The following STYK1 variants were observed in gnomAD, a reference collection of about 807,000 sequenced individuals.
STYK1 encodes STY kinase 1, also known as tyrosine-protein kinase STYK1.
In STYK1, 46 loss-of-function variants were observed where a neutral mutation model predicts 48.1. That is an observed-to-expected ratio of 0.96 (90% CI 0.75 to 1.22). STYK1 has a LOEUF of 1.22. Among genes scored for constraint, STYK1 ranks in the 50% most tolerant of loss-of-function variants. The pLI is 0.00. For missense variants in STYK1, 527 were observed against 521.1 expected (o/e 1.01, Z -0.11); for synonymous variants, 188 against 189.0 (o/e 0.99, Z 0.04).
Position 10,634,629 on chromosome 12 carries a change from C to T in STYK1, c.-11G>A, listed in dbSNP as rs143693474. On this transcript the variant is annotated 5_prime_UTR_variant, in exon 3 of 11. Coordinates refer to ENST00000075503, the MANE Select transcript of STYK1 (RefSeq NM_018423.3). ...CCGTGTCATGCCCATTGCCACAGGG[C>T]TGTCCCCTTCCCTGCTAGGCCCACA... 1.7e-5 allele frequency: 27 copies of T among 1,614,096 alleles called. No individual in the cohort carries two copies. In the East Asian group the frequency reaches 2.9e-4, roughly 17 times the overall value.
rs985328046 is a variant in STYK1 at position 10,663,742 on chromosome 12, A to G, written c.-195+10224T>C. ...TTTAGAATCACTTTGACCATTTCGG[A>G]AAAAAAAAAAGGCTGGAATTTTGAT... On this transcript the variant is annotated intron_variant, in intron 1 of 10. Transcript: ENST00000075503. Among the ~76,000 whole-genome samples, 43 of 30,652 alleles carry G rather than the reference A, an allele frequency of 1.4e-3. 1 individual carries two copies. The highest frequency in any genetic ancestry group is 3.1e-3 in the African/African-American group (41 of 13,304). The allele number at this position is 30,652 out of a possible 152,430, so 20.1% of individuals were successfully genotyped here.
chr12:10,663,792 C>T (rs912948177), intron 1 of STYK1, among the ~76,000 whole-genome samples: 3 of 149,752 alleles, frequency 2.0e-5, no homozygotes, highest in Admixed American at 2.0e-4. Flanking sequence ...GGATGTAGAT[C>T]AATTTGGGGC....
intron 1 of STYK1, among the ~76,000 whole-genome samples, chr12:10,663,542 T>C (rs542205070): frequency 1.1e-3 from 137 of 127,396 alleles, no homozygotes; most frequent in Non-Finnish European, 1.3e-3. Context: ...GAGCTTGCAG[T>C]GAGCCGAGAT....
At position 10,620,288 on chromosome 12, in the gene STYK1, C is replaced by G. The variant is rs1237196199; in HGVS notation, c.1125G>C (p.Glu375Asp). Residue 375 changes from glutamate to aspartate, a missense_variant, in exon 11 of 11, where the codon GAG becomes GAC. By Grantham distance (45) the Glu-to-Asp change is conservative (BLOSUM62 2). Transcript: ENST00000075503. ...TGGCAGCTTCTAGGCGCAAGCGCAG[C>G]TCTCTAGGTGAGGGGCGGTCAGCCT... is the stretch of plus-strand genomic sequence containing the variant. ...WREADRPSPR[E>D]LRLRLEAAIK... 1 of 1,614,020 alleles carries G rather than the reference C, an allele frequency of 6.2e-7. No homozygotes were observed. Among genetic ancestry groups the G allele is most frequent in the Non-Finnish European group, 8.5e-7 (1 of 1,180,040 alleles).
intron 1 of STYK1, among the ~76,000 whole-genome samples, chr12:10,645,332 C>T (rs1947587485): frequency 6.6e-6 from 1 of 151,980 alleles, no homozygotes; most frequent in Non-Finnish European, 1.5e-5. Context: ...ATCTTTGCGA[C>T]CTATATGAAT....
intron 1 of STYK1, among the ~76,000 whole-genome samples, chr12:10,657,772 T>C (rs917221520): frequency 1.3e-5 from 2 of 152,206 alleles, no homozygotes; most frequent in Non-Finnish European, 2.9e-5. Context: ...TCACACCTAG[T>C]ACCTAATTAA....
At chr12:10,642,038 C>T (rs1392767642) in intron 1 of STYK1, among the ~76,000 whole-genome samples, 1 of 152,198 alleles carries the variant, frequency 6.6e-6, no homozygotes, top group Non-Finnish European at 1.5e-5. Context: ...ACGTGCATGT[C>T]TCCTAAGGGT....
intron 8 of STYK1, 77 bp from the exon 9 acceptor site, chr12:10,622,755 C>T: frequency 6.4e-7 from 1 of 1,554,376 alleles, no homozygotes; most frequent in South Asian, 1.1e-5. Flanking sequence ...TGTCAGAAGC[C>T]TTTAATAAGA....
intron 8 of STYK1, among the ~76,000 whole-genome samples, chr12:10,623,597 G>A (rs576123197): frequency 6.6e-6 from 1 of 152,202 alleles, no homozygotes; most frequent in East Asian, 1.9e-4. Flanking sequence ...AAAGTTTGAA[G>A]GAAGTTGAAT....
rs187761202 is a variant in STYK1, at chr12:10,618,988, A to G, written c.*1156T>C. The G allele has an allele frequency of 6.6e-6, 1 of 152,328 alleles. No individual in the cohort carries two copies. Among genetic ancestry groups the G allele is most frequent in the African/African-American group, 2.4e-5 (1 of 41,566 alleles). The allele number at this position is 152,328 out of a possible 1,614,324, so 9.4% of individuals were successfully genotyped here. On this transcript the variant is annotated 3_prime_UTR_variant, in exon 11 of 11. Coordinates refer to ENST00000075503, the MANE Select transcript of STYK1 (RefSeq NM_018423.3). The stretch of plus-strand genomic sequence containing the variant: ...CGCATATGTGCCAGATAGTGTACAA[A>G]TACATACTCAAAACGTATCAATCCT...
At chr12:10,658,714 T>G (rs992627098) in intron 1 of STYK1, among the ~76,000 whole-genome samples, 1 of 152,198 alleles carries the variant, frequency 6.6e-6, no homozygotes, top group African/African-American at 2.4e-5. Flanking sequence ...CAGGAAGCAT[T>G]ATAAAATATA....
At chr12:10,633,928 ATACTTTTTCCTAATC>A in intron 4 of STYK1, 47 bp downstream of exon 4, 1 of 1,584,544 alleles carries the variant, frequency 6.3e-7, no homozygotes, top group South Asian at 1.2e-5. Flanking sequence ...AACTTAGACC[ATACTTTTTCCTAATC>A]TCCATCTTCT....
intron 8 of STYK1, 35 bp downstream of exon 8, chr12:10,624,616 A>G (rs1947334836): frequency 1.3e-6 from 2 of 1,597,424 alleles, no homozygotes; most frequent in Non-Finnish European, 1.7e-6. Flanking sequence ...CAAGTCATGA[A>G]GAAAGTAAAC....
intron 1 of STYK1, among the ~76,000 whole-genome samples, chr12:10,644,442 G>A (rs986736941): frequency 6.6e-6 from 1 of 152,168 alleles, no homozygotes; most frequent in African/African-American, 2.4e-5. Flanking sequence ...TGTTCCCATT[G>A]GGAAAATTGG....
chr12:10,650,753 T>C (rs1947653842), intron 1 of STYK1, among the ~76,000 whole-genome samples: 1 of 151,848 alleles, frequency 6.6e-6, no homozygotes, highest in African/African-American at 2.4e-5. Flanking sequence ...GTAATTCCAG[T>C]ACTTTGGGAG....
In STYK1 at chr12:10,619,568, T is replaced by G. The variant is rs568127963; in HGVS notation, c.*576A>C. On this transcript the variant is annotated 3_prime_UTR_variant, in exon 11 of 11. Transcript: ENST00000075503. Reference sequence around the variant, plus strand: ...AGATAAAAGGGGACCATCTTTCTTTTATCTATACCTAAGGTGAAACTCAGA... The same window carrying G: ...AGATAAAAGGGGACCATCTTTCTTTGATCTATACCTAAGGTGAAACTCAGA... The G allele has an allele frequency of 6.5e-6, 1 of 154,374 alleles. No homozygotes were observed. The highest frequency in any genetic ancestry group is 2.4e-5 in the African/African-American group (1 of 41,580). 9.6% of individuals were successfully genotyped at this position (154,374 alleles called of 1,614,324 possible).
chr12:10,656,486 A>T (rs550967142), intron 1 of STYK1, among the ~76,000 whole-genome samples: 36 of 152,118 alleles, frequency 2.4e-4, no homozygotes, highest in Admixed American at 1.1e-3. Flanking sequence ...TTAGCTGGGC[A>T]TGGTGGTGGG....
At chr12:10,622,970 A>G (rs748676099) in intron 8 of STYK1, among the ~76,000 whole-genome samples, 4 of 149,756 alleles carry the variant, frequency 2.7e-5, no homozygotes, top group Non-Finnish European at 4.4e-5. Flanking sequence ...CCACACAAAC[A>G]CATTTACCTC....
chr12:10,671,074 C>A (rs1277825822), intron 1 of STYK1, among the ~76,000 whole-genome samples: 1 of 149,096 alleles, frequency 6.7e-6, no homozygotes, highest in Non-Finnish European at 1.5e-5. Context: ...CAGCTCACTG[C>A]AAGCTCCGCC....
Sources: gnomAD v4.1 joint callset for allele counts (sites outside exome capture counted in the v4.1 genomes callset) on GRCh38, gnomAD v4.1.1 for gene constraint, MANE v1.5 for transcripts, NCBI Gene and HGNC (gene_info 2026-07-23, HGNC 2026-07-21) for gene names.